URB1: variants seen among roughly 807,000 people sequenced by gnomAD.
URB1 encodes the protein URB1 ribosome biogenesis factor.
URB1 carries 197 observed loss-of-function variants against 242.3 expected under a neutral mutation model. The ratio of observed to expected loss-of-function variants is 0.81; its 90% CI spans 0.72 to 0.91. URB1 has a LOEUF of 0.91. Ranked by LOEUF, URB1 falls within the 40% of genes least tolerant of loss-of-function variation. The probability of loss-of-function intolerance (pLI) is 0.00; values close to 1 mark genes in which losing one functional copy is unlikely to be tolerated. For synonymous variants in URB1, 1,153 were observed against 1,201.8 expected (o/e 0.96, Z 0.84); for missense variants, 2,721 against 2,860.5 (o/e 0.95, Z 1.11).
In URB1 at chr21:32,360,999, A is replaced by G; in HGVS notation, c.1756+8T>C. ...GTGGCGGCTTGTCTGCAAGACCTTG[A>G]AACCCACCTTTCAGGAGCTTGCTGA... On this transcript the variant is annotated splice_region_variant and intron_variant, in intron 13 of 38. Transcript: ENST00000382751. 6.5e-7 allele frequency: 1 copy of G among 1,541,756 alleles called. No homozygotes were observed. The highest frequency in any genetic ancestry group is 8.8e-7 in the Non-Finnish European group (1 of 1,142,844).
chr21:32,316,060 C>T (rs370933805), intron 38 of URB1, among the ~76,000 whole-genome samples: 3 of 152,228 alleles, frequency 2.0e-5, no homozygotes, highest in Admixed American at 6.5e-5. Context: ...TGCACACACA[C>T]GCGCATGCAC....
At chr21:32,387,352 G>A (rs1309289364) in intron 1 of URB1, among the ~76,000 whole-genome samples, 1 of 152,130 alleles carries the variant, frequency 6.6e-6, no homozygotes, top group Non-Finnish European at 1.5e-5. Flanking sequence ...CCGGGAGGTG[G>A]AAGTTGCAGT....
At position 32,368,396 on chromosome 21, in the gene URB1, T is replaced by G. The variant is rs2033369599; in HGVS notation, c.1197+7A>C. On this transcript the variant is annotated splice_region_variant and intron_variant, in intron 9 of 38. Transcript: ENST00000382751. ...CTAACAGACTTTTAAATATCATGTTTTTTTACCTTGTTTAGTAGTTTGATA... is the reference window on the plus strand; with the variant it reads ...CTAACAGACTTTTAAATATCATGTTGTTTTACCTTGTTTAGTAGTTTGATA... 1 of 1,531,450 alleles carries G rather than the reference T, an allele frequency of 6.5e-7. No individual in the cohort carries two copies. Among genetic ancestry groups the G allele is most frequent in the African/African-American group, 1.4e-5 (1 of 72,400 alleles). 94.9% of individuals were successfully genotyped at this position (1,531,450 alleles called of 1,614,324 possible). A position where few individuals can be genotyped will look rare whatever the true frequency, so the allele number is the denominator to read the frequency against.
chr21:32,345,226 T>C (rs908201184), intron 23 of URB1, 148 bp downstream of exon 23: 2 of 871,504 alleles, frequency 2.3e-6, no homozygotes, highest in Admixed American at 2.7e-5. Context: ...CCAGGCAGGA[T>C]GGCTGGAAGT....
chr21:32,324,803 C>CA (rs1198982360), intron 31 of URB1, among the ~76,000 whole-genome samples: 1 of 152,118 alleles, frequency 6.6e-6, no homozygotes, highest in Non-Finnish European at 1.5e-5. Flanking sequence ...TTTTAGGAGT[C>CA]AGTCAGGTGC....
intron 21 of URB1, 33 bp from the exon 22 acceptor site, chr21:32,347,844 T>G (rs757182970): frequency 6.6e-7 from 1 of 1,519,818 alleles, no homozygotes; most frequent in Non-Finnish European, 8.8e-7. Flanking sequence ...AGACGTCACA[T>G]AGAGCACAGG....
At chr21:32,374,933 T>C (rs769168010) in intron 6 of URB1, among the ~76,000 whole-genome samples, 4 of 152,222 alleles carry the variant, frequency 2.6e-5, no homozygotes, top group African/African-American at 4.8e-5. Flanking sequence ...GGGAGGGTCA[T>C]AGTTTTTCTT....
chr21:32,324,606 G>C lies in URB1; in HGVS notation c.5122-4C>G. ...CTACATCCAACAGGTAAAGTAGCTT[G>C]AAAACAGAACAGAAAAGGAAAATGT... On this transcript the variant is annotated splice_region_variant and splice_polypyrimidine_tract_variant and intron_variant, in intron 31 of 38. Transcript: ENST00000382751. The C allele has an allele frequency of 6.5e-7, 1 of 1,547,742 alleles. No homozygotes were observed. Among genetic ancestry groups the C allele is most frequent in the Non-Finnish European group, 8.7e-7 (1 of 1,143,338 alleles).
chr21:32,324,129 T>C (rs2032799179), intron 32 of URB1, among the ~76,000 whole-genome samples: 2 of 152,208 alleles, frequency 1.3e-5, no homozygotes, highest in African/African-American at 4.8e-5. Flanking sequence ...TATGATGTGA[T>C]TGGCCCACAT....
At chr21:32,366,448 C>A (rs1433373495) in intron 10 of URB1, among the ~76,000 whole-genome samples, 170 bp downstream of exon 10, 1 of 152,188 alleles carries the variant, frequency 6.6e-6, no homozygotes, top group Non-Finnish European at 1.5e-5. Flanking sequence ...GTGCGTGGAC[C>A]TGTCACTTAT....
rs2032595986 is a variant in URB1, at chr21:32,312,100, G to A, written c.*2818C>T. 2 of 1,581,368 alleles carry A rather than the reference G, an allele frequency of 1.3e-6. No individual in the cohort carries two copies. The highest frequency in any genetic ancestry group is 8.5e-7 in the Non-Finnish European group (1 of 1,170,456). ...AGAGGCCATTTGCATGTAGCAGAAA[G>A]GGCACCTAGGTCAAGTGCAACTAGA... is the stretch of plus-strand genomic sequence containing the variant. On this transcript the variant is annotated 3_prime_UTR_variant, in exon 39 of 39. Coordinates refer to ENST00000382751, the MANE Select transcript of URB1 (RefSeq NM_014825.3).
chr21:32,316,930 C>T lies in URB1; in HGVS notation c.6170G>A (p.Gly2057Asp). The T allele has an allele frequency of 6.4e-7, 1 of 1,551,714 alleles. No individual in the cohort carries two copies. The highest frequency in any genetic ancestry group is 8.7e-7 in the Non-Finnish European group (1 of 1,146,984). ...LMASTLETCK[G>D]LLRSILTYWR... Reference sequence around the variant, plus strand: ...GTAAGTCAAGATGGACCTCAGGAGGCCCTTGCATGTCTCCAAGGTAGATGC... The same window carrying T: ...GTAAGTCAAGATGGACCTCAGGAGGTCCTTGCATGTCTCCAAGGTAGATGC... Residue 2057 changes from glycine (G) to aspartate (D), a missense_variant, in exon 38 of 39, where the codon GGC (glycine) becomes GAC (aspartate). By Grantham distance (94) the Gly-to-Asp change is moderately conservative. Coordinates refer to ENST00000382751, the MANE Select transcript of URB1 (RefSeq NM_014825.3).
At chr21:32,382,493 C>T (rs553626489) in intron 4 of URB1, among the ~76,000 whole-genome samples, 1 of 152,238 alleles carries the variant, frequency 6.6e-6, no homozygotes, top group African/African-American at 2.4e-5. Flanking sequence ...ATTATCAACC[C>T]TTTAGTCCAA....
intron 24 of URB1, among the ~76,000 whole-genome samples, chr21:32,343,420 G>A (rs1167723478): frequency 6.6e-6 from 1 of 152,170 alleles, no homozygotes; most frequent in African/African-American, 2.4e-5. Flanking sequence ...CATCACAGTT[G>A]ACACACTATA....
At chr21:32,386,985 T>C (rs2033590408) in intron 1 of URB1, among the ~76,000 whole-genome samples, 2 of 152,148 alleles carry the variant, frequency 1.3e-5, no homozygotes, top group African/African-American at 4.8e-5. Flanking sequence ...ACACAGAGTG[T>C]CCGTGCTGCA....
At chr21:32,326,772 C>T (rs375366853) in intron 30 of URB1, among the ~76,000 whole-genome samples, 2 of 152,286 alleles carry the variant, frequency 1.3e-5, no homozygotes, top group East Asian at 1.9e-4. Flanking sequence ...CCCAGCCATG[C>T]TTCCTACACA....
chr21:32,344,542 A>C (rs1420637479), intron 24 of URB1, 28 bp downstream of exon 24: 2 of 1,548,352 alleles, frequency 1.3e-6, no homozygotes, highest in Non-Finnish European at 1.7e-6. Context: ...CAGAAATTTA[A>C]TCTGGATCTC....
Position 32,357,582 on chromosome 21 carries a change from A to G in URB1, c.1944T>C (p.Ser648=), listed in dbSNP as rs1209545483. 7.8e-6 allele frequency: 12 copies of G among 1,535,704 alleles called. No homozygotes were observed. The East Asian group carries it at 3.0e-4, about 38-fold the overall frequency. The change falls in exon 15 of 39, where the codon AGT becomes AGC. Residue 648 remains serine (S), a synonymous_variant. Transcript: ENST00000382751. ...FYLLMKMFVT[S]SHLQLKSLTK... ...TCAATGACTTCAGTTGTAAATGGCT[A>G]CTGGTCACAAACATTTTCATTAGTA...
intron 36 of URB1, among the ~76,000 whole-genome samples, chr21:32,318,177 A>C (rs754338973): frequency 1.3e-5 from 2 of 152,176 alleles, no homozygotes; most frequent in Non-Finnish European, 2.9e-5. Context: ...AACCCTGGCT[A>C]AACAGGGCAG....
Sources: gnomAD v4.1 joint callset for allele counts (sites outside exome capture counted in the v4.1 genomes callset) on GRCh38, gnomAD v4.1.1 for gene constraint, MANE v1.5 for transcripts, NCBI Gene and HGNC (gene_info 2026-07-23, HGNC 2026-07-21) for gene names.